Variants in CEP128 observed in about 807,000 individuals in gnomAD.
CEP128 encodes centrosomal protein 128kDa.
In CEP128, 132 loss-of-function variants were observed where a neutral mutation model predicts 156.7. That is an observed-to-expected ratio of 0.84 (90% CI 0.73 to 0.97). CEP128 has a LOEUF of 0.97. CEP128 is among the 50% of genes least tolerant of loss of function. CEP128 has a pLI of 0.00. For missense variants in CEP128, 1,252 were observed against 1,281.9 expected (o/e 0.98, Z 0.36); for synonymous variants, 469 against 448.9 (o/e 1.04, Z -0.57).
chr14:80,767,489 T>G (rs1323602490), intron 16 of CEP128, among the ~76,000 whole-genome samples: 1 of 152,106 alleles, frequency 6.6e-6, no homozygotes, highest in Non-Finnish European at 1.5e-5. Flanking sequence ...AGAGTTCAGA[T>G]GAGTTTGAAA....
chr14:80,518,110 G>C (rs530504533), intron 23 of CEP128, among the ~76,000 whole-genome samples: 1 of 149,440 alleles, frequency 6.7e-6, no homozygotes, highest in Non-Finnish European at 1.5e-5. Context: ...GGGACCCAAA[G>C]GGGGTTGCCA....
At position 80,652,883 on chromosome 14, in the gene CEP128, C is replaced by T. The variant is rs58687069; in HGVS notation, c.2807-72460G>A. Among the ~76,000 whole-genome samples the T allele has an allele frequency of 5.8e-3, 890 of 152,188 alleles. 3 individuals carry two copies. Among genetic ancestry groups the T allele is most frequent in the African/African-American group, 0.02 (822 of 41,532 alleles). ...TAAATCATTCTACTATAAAGACACA[C>T]GCACACGTATGTTTATTGCAGCACT... On this transcript the variant is annotated intron_variant, in intron 19 of 24. Transcript: ENST00000555265.
chr14:80,880,933 A>T (rs1024303946), intron 8 of CEP128, among the ~76,000 whole-genome samples: 2 of 148,490 alleles, frequency 1.3e-5, no homozygotes, highest in Non-Finnish European at 3.0e-5. Flanking sequence ...TACAAAATCA[A>T]CACATAGAAA....
intron 9 of CEP128, among the ~76,000 whole-genome samples, chr14:80,860,947 T>C (rs1011273263): frequency 3.3e-5 from 5 of 152,076 alleles, no homozygotes; most frequent in African/African-American, 1.2e-4. Flanking sequence ...TTGTTTTGAA[T>C]CTTTTGTGTT....
At chr14:80,517,081 T>C (rs1159987438) in intron 23 of CEP128, among the ~76,000 whole-genome samples, 1 of 152,206 alleles carries the variant, frequency 6.6e-6, no homozygotes. Flanking sequence ...TTAGGAGCTG[T>C]AGTAATGTTC....
intron 19 of CEP128, among the ~76,000 whole-genome samples, chr14:80,702,355 C>T (rs1387396667): frequency 1.3e-5 from 2 of 152,142 alleles, no homozygotes; most frequent in Non-Finnish European, 2.9e-5. Flanking sequence ...TTTCCCTATA[C>T]ATCCATTTGC....
At chr14:80,529,342 G>A (rs939693452) in intron 22 of CEP128, among the ~76,000 whole-genome samples, 4 of 152,174 alleles carry the variant, frequency 2.6e-5, no homozygotes, top group African/African-American at 9.7e-5. Flanking sequence ...TTACTATTTA[G>A]GCATCTTCAT....
chr14:80,688,486 T>C (rs900069459), intron 19 of CEP128, among the ~76,000 whole-genome samples: 1 of 152,330 alleles, frequency 6.6e-6, no homozygotes, highest in East Asian at 1.9e-4. Flanking sequence ...TTCTGACTTA[T>C]TAAATAGCAT....
At chr14:80,625,834 TTTC>T (rs1893692905) in intron 19 of CEP128, among the ~76,000 whole-genome samples, 1 of 150,478 alleles carries the variant, frequency 6.6e-6, no homozygotes, top group African/African-American at 2.4e-5. Context: ...TTCTCCCTTC[TTTC>T]TTTTTTCTCT....
chr14:80,527,073 A>G (rs574624233), intron 22 of CEP128, 91 bp from the exon 23 acceptor site: 1 of 634,554 alleles, frequency 1.6e-6, no homozygotes, highest in African/African-American at 1.8e-5. Flanking sequence ...ATATGTAGAT[A>G]AAAATGAAAA....
chr14:80,590,137 T>A (rs1891986760), intron 19 of CEP128, among the ~76,000 whole-genome samples: 1 of 152,134 alleles, frequency 6.6e-6, no homozygotes, highest in Non-Finnish European at 1.5e-5. Context: ...TGTGTTGTAC[T>A]GAAACAAGGA....
At chr14:80,860,475 T>G (rs2140152689) in intron 9 of CEP128, among the ~76,000 whole-genome samples, 1 of 152,246 alleles carries the variant, frequency 6.6e-6, no homozygotes, top group East Asian at 1.9e-4. Context: ...TCTTTGTAAT[T>G]TTGTGCATTC....
At position 80,732,500 on chromosome 14, in the gene CEP128, G is replaced by T. The variant is rs1233485877; in HGVS notation, c.2806+10575C>A. Among the ~76,000 whole-genome samples the T allele has an allele frequency of 3.3e-5, 5 of 150,882 alleles. No homozygotes were observed. In the Admixed American group the frequency reaches 3.3e-4, roughly 10 times the overall value. On this transcript the variant is annotated intron_variant, in intron 19 of 24. Transcript: ENST00000555265. ...TGTGTGTGTGTGTGTGTGTGTGTGT[G>T]TGTGTGTGTGTGTGTGTGTGGTTTC...
intron 2 of CEP128, among the ~76,000 whole-genome samples, chr14:80,951,205 T>C (rs1181581035): frequency 4.6e-5 from 7 of 152,054 alleles, no homozygotes; most frequent in Non-Finnish European, 1.0e-4. Flanking sequence ...CAGTGAAAAA[T>C]ATGGATCAAT....
Position 80,924,176 on chromosome 14 carries a change from C to T in CEP128, c.-15-7614G>A, listed in dbSNP as rs1885025742. ...TAGCTGTAGGACTTGAGAGCTTTGC[C>T]TTATCCTTCTAGTGAAAAAGTTAAT... On this transcript the variant is annotated intron_variant, in intron 2 of 24. Coordinates refer to ENST00000555265, the MANE Select transcript of CEP128 (RefSeq NM_152446.5). 2.0e-5 allele frequency among the ~76,000 whole-genome samples: 3 copies of T among 152,202 alleles called. No individual in the cohort carries two copies. The South Asian group carries it at 6.2e-4, about 32-fold the overall frequency.
intron 8 of CEP128, among the ~76,000 whole-genome samples, chr14:80,893,653 T>C (rs12147014): frequency 0.12 from 18,532 of 151,874 alleles, 1,585 homozygotes; most frequent in East Asian, 0.44. Flanking sequence ...AAAAAAAGTA[T>C]AGTTACATTT....
At chr14:80,642,220 T>C (rs1270859940) in intron 19 of CEP128, among the ~76,000 whole-genome samples, 3 of 151,960 alleles carry the variant, frequency 2.0e-5, no homozygotes, top group Non-Finnish European at 4.4e-5. Context: ...GTCTGAAAGA[T>C]GGAGGAGACA....
At chr14:80,545,305 C>A (rs1889934566) in intron 21 of CEP128, among the ~76,000 whole-genome samples, 1 of 152,062 alleles carries the variant, frequency 6.6e-6, no homozygotes, top group Non-Finnish European at 1.5e-5. Context: ...TGTGATGCAA[C>A]AAAGGATTAA....
intron 8 of CEP128, among the ~76,000 whole-genome samples, chr14:80,889,549 T>C (rs36177316): frequency 1.3e-5 from 2 of 152,198 alleles, no homozygotes; most frequent in South Asian, 2.1e-4. Flanking sequence ...ATTTAATAAA[T>C]GGTGCTGGGA....
Sources: allele counts gnomAD v4.1 joint callset (sites outside exome capture counted in the v4.1 genomes callset), GRCh38; gene constraint gnomAD v4.1.1; transcripts MANE v1.5; gene names NCBI Gene and HGNC (gene_info 2026-07-23, HGNC 2026-07-21).